DCAF12: variants seen among roughly 807,000 people sequenced by gnomAD.
DCAF12 encodes DDB1- and CUL4-associated factor 12.
A neutral mutation model predicts 52.8 loss-of-function variants in DCAF12; 28 were observed. The observed-to-expected ratio is 0.53, with a 90% CI of 0.39 to 0.73. The LOEUF (loss-of-function observed/expected upper bound fraction) is 0.73. Ranked by LOEUF, DCAF12 falls within the 30% of genes least tolerant of loss-of-function variation. DCAF12 has a pLI of 0.00. For missense variants in DCAF12, 425 were observed against 552.2 expected, an observed-to-expected ratio of 0.77 and a Z score of 2.31; for synonymous variants, 196 against 215.5, an observed-to-expected ratio of 0.91 and a Z score of 0.79.
chr9:34,111,868 C>T (rs1267794666), intron 2 of DCAF12, among the ~76,000 whole-genome samples: 1 of 152,088 alleles, frequency 6.6e-6, no homozygotes, highest in Non-Finnish European at 1.5e-5. Context: ...GGCGCAGTGG[C>T]TTATGCCTGT....
chr9:34,122,873 C>T (rs187547349), intron 2 of DCAF12, among the ~76,000 whole-genome samples: 15 of 152,330 alleles, frequency 9.8e-5, no homozygotes, highest in Admixed American at 6.5e-4. Context: ...GCCCCTACTA[C>T]TCCTTACTGT....
intron 1 of DCAF12, chr9:34,125,720 C>A (rs1829239070): frequency 5.5e-6 from 2 of 364,306 alleles, no homozygotes; most frequent in South Asian, 4.0e-5. Context: ...TCCAGGGATG[C>A]ATCATCAATG....
rs1448443039 is a variant in DCAF12 at position 34,098,516 on chromosome 9, G to C, written c.603C>G (p.Gly201=). 6.2e-7 allele frequency: 1 copy of C among 1,611,914 alleles called. No homozygotes were observed. The highest frequency in any genetic ancestry group is 8.5e-7 in the Non-Finnish European group (1 of 1,178,962). Residue 201 remains glycine, a splice_region_variant and synonymous_variant, in exon 5 of 9, where the codon GGC becomes GGG. Transcript: ENST00000361264. ...AWISDTMAVS[G]SRDGSMGLWE... ...AGAGTCCCATAGAACCATCACGTGA[G>C]CCTGCAGGGCCAGGAGAACACAGAT...
chr9:34,094,337 C>T (rs1828699269), intron 6 of DCAF12, among the ~76,000 whole-genome samples: 1 of 151,550 alleles, frequency 6.6e-6, no homozygotes. Context: ...ACCTGGGAGG[C>T]GGAGGTTGCA....
intron 2 of DCAF12, 37 bp downstream of exon 2, chr9:34,124,986 G>A: frequency 5.0e-6 from 8 of 1,605,850 alleles, no homozygotes; most frequent in Non-Finnish European, 6.8e-6. Flanking sequence ...ATATATCCAC[G>A]ACCTAGGAGA....
chr9:34,095,297 T>TCTCTTGAC (rs1828717873), intron 6 of DCAF12, among the ~76,000 whole-genome samples: 1 of 151,390 alleles, frequency 6.6e-6, no homozygotes, highest in African/African-American at 2.4e-5. Context: ...ATGGTCTCAA[T>TCTCTTGAC]CTCTTGACCT....
chr9:34,107,335 A>C (rs771338520), intron 3 of DCAF12, 24 bp downstream of exon 3: 10 of 1,610,952 alleles, frequency 6.2e-6, no homozygotes, highest in Non-Finnish European at 7.6e-6. Flanking sequence ...GCTCCCTCCA[A>C]CTACAACTAC....
intron 2 of DCAF12, among the ~76,000 whole-genome samples, chr9:34,111,263 T>A (rs12551419): frequency 6.6e-6 from 1 of 151,902 alleles, no homozygotes; most frequent in Non-Finnish European, 1.5e-5. Context: ...GCATTACAGG[T>A]GTGAGCCACC....
At chr9:34,090,742 C>T (rs1403203377) in intron 7 of DCAF12, among the ~76,000 whole-genome samples, 1 of 151,906 alleles carries the variant, frequency 6.6e-6, no homozygotes, top group Non-Finnish European at 1.5e-5. Flanking sequence ...GCAACCTCCA[C>T]CTCCCAGATT....
chr9:34,120,628 C>T (rs1829158333), intron 2 of DCAF12, among the ~76,000 whole-genome samples: 1 of 149,624 alleles, frequency 6.7e-6, no homozygotes, highest in South Asian at 2.1e-4. Context: ...CAAGATCGTG[C>T]CACTGCACTC....
Position 34,105,999 on chromosome 9 carries a change from C to T in DCAF12, c.601+435G>A, listed in dbSNP as rs377530676. On this transcript the variant is annotated intron_variant, in intron 4 of 8. Coordinates refer to ENST00000361264, the MANE Select transcript of DCAF12 (RefSeq NM_015397.4). ...TCCTGACCTCATAATCCACCCACCT[C>T]GGCCTCCCAAAGTGCTGGGATTACA... 9.2e-5 allele frequency among the ~76,000 whole-genome samples: 14 copies of T among 152,204 alleles called. No individual in the cohort carries two copies. The East Asian group carries it at 2.1e-3, about 23-fold the overall frequency.
At position 34,124,891 on chromosome 9, in the gene DCAF12, G is replaced by C. The variant is rs1829223135; in HGVS notation, c.333+132C>G. 3 of 1,168,766 alleles carry C rather than the reference G, an allele frequency of 2.6e-6. No individual in the cohort carries two copies. In the African/African-American group the frequency reaches 4.6e-5, roughly 18 times the overall value. 72.4% of individuals were successfully genotyped at this position (1,168,766 alleles called of 1,614,324 possible). A position where few individuals can be genotyped will look rare whatever the true frequency, so the allele number is the denominator to read the frequency against. Reference sequence around the variant, plus strand: ...GAAAAGAGGAAGAAGTCACCAACGGGAAAGAATGGAAAGGAGAGTAAGGCA... The same window carrying C: ...GAAAAGAGGAAGAAGTCACCAACGGCAAAGAATGGAAAGGAGAGTAAGGCA... On this transcript the variant is annotated intron_variant, in intron 2 of 8. Transcript: ENST00000361264.
intron 3 of DCAF12, among the ~76,000 whole-genome samples, chr9:34,107,112 G>T (rs889970533): frequency 6.6e-6 from 1 of 152,172 alleles, no homozygotes; most frequent in Non-Finnish European, 1.5e-5. Flanking sequence ...ATGAATGAAT[G>T]GATGATTTAG....
intron 2 of DCAF12, among the ~76,000 whole-genome samples, chr9:34,117,131 A>C (rs537206755): frequency 6.6e-6 from 1 of 152,186 alleles, no homozygotes; most frequent in African/African-American, 2.4e-5. Flanking sequence ...TTGAATTCTG[A>C]TGTTTCGCCA....
chr9:34,123,930 G>A (rs897255938), intron 2 of DCAF12, among the ~76,000 whole-genome samples: 3 of 152,052 alleles, frequency 2.0e-5, no homozygotes, highest in African/African-American at 4.8e-5. Flanking sequence ...TAAGACAAGC[G>A]ACTCCTCAAC....
Position 34,087,887 on chromosome 9 carries a change from TCA to T in DCAF12, c.*461_*462del, listed in dbSNP as rs1168457137. Reference sequence around the variant, plus strand: ...ACACAGTACCTACAGGCACACAAGATCACACACACACACGCAGACAAGATCTC... The same window carrying T: ...ACACAGTACCTACAGGCACACAAGATCACACACACACGCAGACAAGATCTC... On this transcript the variant is annotated 3_prime_UTR_variant, in exon 9 of 9. Transcript: ENST00000361264. 11 of 151,876 alleles carry T rather than the reference TCA, an allele frequency of 7.2e-5. No homozygotes were observed. The highest frequency in any genetic ancestry group is 4.9e-5 in the African/African-American group (2 of 41,052). 9.4% of individuals were successfully genotyped at this position (151,876 alleles called of 1,614,324 possible).
intron 3 of DCAF12, 29 bp downstream of exon 3, chr9:34,107,330 C>T (rs1266540637): frequency 6.2e-7 from 1 of 1,607,916 alleles, no homozygotes; most frequent in Non-Finnish European, 8.5e-7. Context: ...ACAAGGCTCC[C>T]TCCAACTACA....
At chr9:34,110,775 C>A (rs1430663762) in intron 2 of DCAF12, among the ~76,000 whole-genome samples, 1 of 138,170 alleles carries the variant, frequency 7.2e-6, no homozygotes, top group African/African-American at 2.6e-5. Context: ...CAGAGCAAGA[C>A]CCTGCCTCAA....
chr9:34,092,952 T>G (rs1255391218), intron 7 of DCAF12, among the ~76,000 whole-genome samples: 1 of 152,088 alleles, frequency 6.6e-6, no homozygotes, highest in Non-Finnish European at 1.5e-5. Flanking sequence ...TTCAAGCAAT[T>G]CTCCTGCCTC....
Sources: allele counts gnomAD v4.1 joint callset (sites outside exome capture counted in the v4.1 genomes callset), GRCh38; gene constraint gnomAD v4.1.1; transcripts MANE v1.5; gene names NCBI Gene and HGNC (gene_info 2026-07-23, HGNC 2026-07-21).